The following DOCK1 variants were observed in gnomAD, a reference collection of about 807,000 sequenced individuals.
DOCK1 encodes the protein dedicator of cytokinesis protein 1.
Under a neutral mutation model 262.7 loss-of-function variants are expected in DOCK1, and 138 were observed. The observed-to-expected ratio is 0.53, with a 90% CI of 0.46 to 0.61. The LOEUF is 0.61. DOCK1 is among the 20% of genes least tolerant of loss of function. The probability of loss-of-function intolerance (pLI) is 0.00; values close to 1 mark genes in which losing one functional copy is unlikely to be tolerated. For synonymous variants in DOCK1, 866 were observed against 867.4 expected (o/e 1.00, Z 0.03); for missense variants, 1,908 against 2,370.7 (o/e 0.80, Z 4.05).
chr10:127,208,090 G>T (rs2057805294), intron 27 of DOCK1, among the ~76,000 whole-genome samples: 1 of 152,216 alleles, frequency 6.6e-6, no homozygotes, highest in Admixed American at 6.5e-5. Context: ...GGGATATGGT[G>T]AAGGGGCCAT....
chr10:127,065,635 G>A (rs2045818068), intron 23 of DOCK1, among the ~76,000 whole-genome samples: 1 of 152,048 alleles, frequency 6.6e-6, no homozygotes. Flanking sequence ...CCATGCTACC[G>A]AAACCTCACT....
chr10:127,077,121 G>A (rs763474567), intron 23 of DOCK1, among the ~76,000 whole-genome samples: 6 of 152,128 alleles, frequency 3.9e-5, no homozygotes, highest in East Asian at 1.9e-4. Context: ...AGGGCCGAGC[G>A]CGGTGGCTTA....
At chr10:126,997,722 TG>T (rs1639485956) in intron 7 of DOCK1, 1 of 238,114 alleles carries the variant, frequency 4.2e-6, no homozygotes, top group East Asian at 9.0e-5. Flanking sequence ...GAGCATCTAC[TG>T]TGTACCAAAT....
chr10:127,008,866 A>C, intron 11 of DOCK1, 62 bp downstream of exon 11: 1 of 1,340,232 alleles, frequency 7.5e-7, no homozygotes, highest in Admixed American at 2.3e-5. Flanking sequence ...GGCTTGTAAT[A>C]ATTATCTTTA....
chr10:127,421,329 G>T (rs1007206922), intron 46 of DOCK1, among the ~76,000 whole-genome samples: 18 of 152,168 alleles, frequency 1.2e-4, no homozygotes, highest in African/African-American at 4.3e-4. Context: ...AGCTTTGGTT[G>T]TGAGCCAAGG....
At chr10:127,027,228 G>T (rs902775249) in intron 16 of DOCK1, among the ~76,000 whole-genome samples, 1 of 152,242 alleles carries the variant, frequency 6.6e-6, no homozygotes, top group Non-Finnish European at 1.5e-5. Context: ...ACCGTGCAGT[G>T]GGCAGTTTCA....
intron 29 of DOCK1, among the ~76,000 whole-genome samples, chr10:127,298,591 C>T (rs923200640): frequency 1.3e-5 from 2 of 152,176 alleles, no homozygotes; most frequent in Non-Finnish European, 2.9e-5. Context: ...TAAATTGTCT[C>T]GTGACTGAGG....
At chr10:126,997,344 A>G (rs1479218592) in intron 7 of DOCK1, among the ~76,000 whole-genome samples, 5 of 152,126 alleles carry the variant, frequency 3.3e-5, no homozygotes, top group Non-Finnish European at 1.5e-5. Flanking sequence ...TTATAAAGAA[A>G]AGAGGTTTAA....
chr10:127,307,782 C>G (rs1008153089), intron 29 of DOCK1, among the ~76,000 whole-genome samples: 2 of 152,244 alleles, frequency 1.3e-5, no homozygotes, highest in South Asian at 4.1e-4. Context: ...CTGCAAAGCT[C>G]CTCTCTGTCT....
At chr10:127,005,673 TTAAA>T (rs553748989) in intron 10 of DOCK1, among the ~76,000 whole-genome samples, 185 of 152,292 alleles carry the variant, frequency 1.2e-3, no homozygotes, top group African/African-American at 4.1e-3. Context: ...AAAAGTGTAG[TTAAA>T]TAAATTATCC....
chr10:127,116,754 G>C (rs892688416), intron 25 of DOCK1, among the ~76,000 whole-genome samples: 1 of 152,168 alleles, frequency 6.6e-6, no homozygotes, highest in Non-Finnish European at 1.5e-5. Context: ...TTGTTAACTT[G>C]ATAGATGTTG....
chr10:127,238,702 G>A (rs557981303), intron 27 of DOCK1, among the ~76,000 whole-genome samples: 12 of 152,212 alleles, frequency 7.9e-5, no homozygotes, highest in Non-Finnish European at 1.8e-4. Flanking sequence ...ACCACCTCCT[G>A]TGTCCTTTTG....
At chr10:127,189,816 G>A (rs1327611448) in intron 27 of DOCK1, among the ~76,000 whole-genome samples, 5 of 152,074 alleles carry the variant, frequency 3.3e-5, no homozygotes, top group Admixed American at 1.3e-4. Context: ...TGTGATTTAC[G>A]CAAGGAAAAA....
intron 10 of DOCK1, among the ~76,000 whole-genome samples, chr10:127,006,156 G>T (rs2041001377): frequency 6.6e-6 from 1 of 152,146 alleles, no homozygotes; most frequent in Non-Finnish European, 1.5e-5. Context: ...TTGCTGACTC[G>T]CAGGGTGTGG....
At chr10:127,147,776 T>TA (rs1409619070) in intron 27 of DOCK1, among the ~76,000 whole-genome samples, 5 of 152,094 alleles carry the variant, frequency 3.3e-5, no homozygotes, top group African/African-American at 9.7e-5. Context: ...CTCATGCCTG[T>TA]AATCCTAGCA....
Position 126,958,519 on chromosome 10 carries a change from G to A in DOCK1, c.47-12183G>A, listed in dbSNP as rs1245747113. Among the ~76,000 whole-genome samples, 5 of 152,262 alleles carry A rather than the reference G, an allele frequency of 3.3e-5. No individual in the cohort carries two copies. The East Asian group carries it at 7.8e-4, about 24-fold the overall frequency. ...TCCCACATCTGTACAGAAGGTGATC[G>A]AGAGGTGATGATGTCTTGATTTACA... is the stretch of plus-strand genomic sequence containing the variant. On this transcript the variant is annotated intron_variant, in intron 1 of 51. Coordinates refer to ENST00000623213, the MANE Select transcript of DOCK1 (RefSeq NM_001290223.2).
intron 32 of DOCK1, among the ~76,000 whole-genome samples, chr10:127,359,867 G>A (rs1420594035): frequency 6.6e-6 from 1 of 152,172 alleles, no homozygotes; most frequent in East Asian, 1.9e-4. Flanking sequence ...TTTCCTGATT[G>A]TGTAGAAATA....
intron 29 of DOCK1, among the ~76,000 whole-genome samples, chr10:127,299,410 G>C (rs1446114877): frequency 1.3e-5 from 2 of 152,176 alleles, no homozygotes; most frequent in African/African-American, 4.8e-5. Flanking sequence ...GGCCAAGAAG[G>C]GTGGGCTCTT....
chr10:127,187,283 A>G (rs944187939), intron 27 of DOCK1, among the ~76,000 whole-genome samples: 5 of 152,250 alleles, frequency 3.3e-5, no homozygotes, highest in African/African-American at 1.2e-4. Flanking sequence ...GCTTGTGGAA[A>G]AGAGAAAGAG....
Sources: gnomAD v4.1 joint callset for allele counts (sites outside exome capture counted in the v4.1 genomes callset) on GRCh38, gnomAD v4.1.1 for gene constraint, MANE v1.5 for transcripts, NCBI Gene and HGNC (gene_info 2026-07-23, HGNC 2026-07-21) for gene names.